The following CELF2 variants were observed in gnomAD, a reference collection of about 807,000 sequenced individuals.
The protein encoded by CELF2 is CUGBP Elav-like family member 2, also known as CUG triplet repeat RNA-binding protein 2.
In CELF2, 8 loss-of-function variants were observed where a neutral mutation model predicts 62.6. The observed-to-expected ratio is 0.13, with a 90% CI of 0.07 to 0.23. CELF2 has a LOEUF of 0.23. CELF2 is among the 10% of genes least tolerant of loss of function. The pLI, the probability that CELF2 is intolerant of heterozygous loss-of-function variation, is 1.00. For missense variants in CELF2, 333 were observed against 671.0 expected, an observed-to-expected ratio of 0.50 and a Z score of 5.56; for synonymous variants, 258 against 250.0, an observed-to-expected ratio of 1.03 and a Z score of -0.30.
intron 2 of CELF2, among the ~76,000 whole-genome samples, chr10:10,945,111 C>G (rs6602470): frequency 0.013 from 1,993 of 152,178 alleles, 36 homozygotes; most frequent in African/African-American, 0.046. Context: ...ATGTGTGGGA[C>G]TGGAACATCA....
chr10:10,861,605 A>G (rs1019404762), intron 1 of CELF2, among the ~76,000 whole-genome samples: 1 of 152,192 alleles, frequency 6.6e-6, no homozygotes, highest in African/African-American at 2.4e-5. Context: ...ACTTCCAGCC[A>G]TTTTAATCAC....
intron 1 of CELF2, among the ~76,000 whole-genome samples, chr10:11,058,834 G>A (rs2065999890): frequency 6.6e-6 from 1 of 152,106 alleles, no homozygotes; most frequent in African/African-American, 2.4e-5. Flanking sequence ...ATGCTGGAGT[G>A]CAGTGGCACA....
the CELF2 span, among the ~76,000 whole-genome samples, chr10:10,735,239 G>T: frequency 9.9e-5 from 15 of 152,128 alleles, no homozygotes; most frequent in African/African-American, 3.6e-4. Context: ...TGTGAAGTTA[G>T]TGATAAAAAT....
chr10:10,500,946 G>A, the CELF2 span, among the ~76,000 whole-genome samples: 2 of 152,180 alleles, frequency 1.3e-5, no homozygotes, highest in Admixed American at 6.5e-5. Flanking sequence ...GTTGTAGTGT[G>A]TATCAGTAGT....
At chr10:10,737,399 C>T in the CELF2 span, among the ~76,000 whole-genome samples, 1 of 152,054 alleles carries the variant, frequency 6.6e-6, no homozygotes, top group South Asian at 2.1e-4. Context: ...TATCTCTAAA[C>T]AGCTCTTTCC....
At chr10:10,837,000 T>G (rs1255630425) in intron 1 of CELF2, among the ~76,000 whole-genome samples, 1 of 152,208 alleles carries the variant, frequency 6.6e-6, no homozygotes, top group Non-Finnish European at 1.5e-5. Flanking sequence ...TAATCCTAAG[T>G]ATTTCTTACC....
At chr10:10,929,596 C>T (rs922741103) in intron 2 of CELF2, 2 of 152,244 alleles carry the variant, frequency 1.3e-5, no homozygotes, top group African/African-American at 4.8e-5. Flanking sequence ...AGTTCAGCCA[C>T]TTACTTGTTC....
chr10:11,136,429 C>G (rs964987256), intron 1 of CELF2, among the ~76,000 whole-genome samples: 7 of 152,096 alleles, frequency 4.6e-5, no homozygotes, highest in African/African-American at 1.7e-4. Context: ...TGGCGAAACT[C>G]CATCTTTACT....
chr10:11,299,272 C>A (rs1012839379), intron 9 of CELF2, among the ~76,000 whole-genome samples: 1 of 152,238 alleles, frequency 6.6e-6, no homozygotes, highest in Non-Finnish European at 1.5e-5. Context: ...TGCTCTGCAC[C>A]GGGCCCTTGC....
At chr10:10,520,689 G>A in the CELF2 span, among the ~76,000 whole-genome samples, 1 of 152,054 alleles carries the variant, frequency 6.6e-6, no homozygotes, top group African/African-American at 2.4e-5. Flanking sequence ...GAAACAAAGG[G>A]CAGCCAGACG....
intron 1 of CELF2, among the ~76,000 whole-genome samples, chr10:11,100,160 C>T (rs1015081029): frequency 2.6e-5 from 4 of 151,774 alleles, no homozygotes; most frequent in African/African-American, 7.3e-5. Context: ...GCGTAGATGG[C>T]GCCACTGCAC....
At chr10:10,874,131 G>A (rs1486538150) in intron 1 of CELF2, among the ~76,000 whole-genome samples, 1 of 152,122 alleles carries the variant, frequency 6.6e-6, no homozygotes, top group African/African-American at 2.4e-5. Flanking sequence ...GGGCAACGTA[G>A]CAAGACCCTG....
the CELF2 span, among the ~76,000 whole-genome samples, chr10:10,696,927 A>G: frequency 6.6e-6 from 1 of 152,208 alleles, no homozygotes; most frequent in Non-Finnish European, 1.5e-5. Flanking sequence ...ATGGAAATGC[A>G]GAAATCACCC....
intron 2 of CELF2, chr10:10,952,051 C>T (rs537447755): frequency 1.7e-4 from 26 of 152,422 alleles, no homozygotes; most frequent in African/African-American, 5.8e-4. Context: ...AGGTGGCACC[C>T]ACTGCCCGAG....
intron 3 of CELF2, among the ~76,000 whole-genome samples, chr10:11,229,004 A>G (rs1039501582): frequency 1.3e-5 from 2 of 152,170 alleles, no homozygotes; most frequent in Non-Finnish European, 2.9e-5. Context: ...GCCGGATGGA[A>G]TTATAGATCA....
At chr10:10,811,486 A>C (rs868859722) in intron 1 of CELF2, among the ~76,000 whole-genome samples, 2 of 151,690 alleles carry the variant, frequency 1.3e-5, no homozygotes, top group African/African-American at 4.8e-5. Flanking sequence ...AGATGGGGGG[A>C]GAGGGGCCCT....
At chr10:10,637,790 C>G in the CELF2 span, among the ~76,000 whole-genome samples, 2 of 152,102 alleles carry the variant, frequency 1.3e-5, no homozygotes, top group Admixed American at 6.6e-5. Flanking sequence ...GCATTGTCAG[C>G]CCCGTTTGGT....
chr10:11,085,475 T>C (rs1488512591), intron 1 of CELF2, among the ~76,000 whole-genome samples: 1 of 152,220 alleles, frequency 6.6e-6, no homozygotes, highest in Non-Finnish European at 1.5e-5. Flanking sequence ...AAATTGTTAT[T>C]TGGCAATAAC....
the CELF2 span, among the ~76,000 whole-genome samples, chr10:10,501,792 C>T: frequency 6.6e-6 from 1 of 152,144 alleles, no homozygotes; most frequent in Non-Finnish European, 1.5e-5. Flanking sequence ...CTGGCTAGAA[C>T]TTTGAGCACT....
Sources: allele counts gnomAD v4.1 joint callset (sites outside exome capture counted in the v4.1 genomes callset), GRCh38; gene constraint gnomAD v4.1.1; transcripts MANE v1.5; gene names NCBI Gene and HGNC (gene_info 2026-07-23, HGNC 2026-07-21).